The following WHRN variants were observed in gnomAD, a reference collection of about 807,000 sequenced individuals.
WHRN encodes whirlin.
Under a neutral mutation model 68.3 loss-of-function variants are expected in WHRN, and 41 were observed. The ratio of observed to expected loss-of-function variants is 0.60; its 90% CI spans 0.47 to 0.78. The LOEUF is 0.78. WHRN is among the 30% of genes least tolerant of loss of function. The pLI, the probability that WHRN is intolerant of heterozygous loss-of-function variation, is 0.00. For missense variants in WHRN, 1,243 were observed against 1,244.7 expected (o/e 1.00, Z 0.02); for synonymous variants, 560 against 561.3 (o/e 1.00, Z 0.03).
intron 2 of WHRN, among the ~76,000 whole-genome samples, chr9:114,470,910 C>T (rs994061700): frequency 2.0e-5 from 3 of 151,908 alleles, no homozygotes; most frequent in Non-Finnish European, 4.4e-5. Context: ...TGCAGTCAAG[C>T]CCAGGAACAC....
chr9:114,407,207 G>C (rs1305318931), intron 8 of WHRN, among the ~76,000 whole-genome samples: 1 of 152,180 alleles, frequency 6.6e-6, no homozygotes, highest in Non-Finnish European at 1.5e-5. Flanking sequence ...GAAGAGGATG[G>C]AAATACAAAA....
At chr9:114,448,455 A>G (rs1473850151) in intron 3 of WHRN, among the ~76,000 whole-genome samples, 1 of 152,160 alleles carries the variant, frequency 6.6e-6, no homozygotes, top group South Asian at 2.1e-4. Context: ...CATTTGGTAT[A>G]GCAGCCCTAG....
chr9:114,450,828 C>CG (rs1432122849), intron 3 of WHRN, among the ~76,000 whole-genome samples: 2 of 147,242 alleles, frequency 1.4e-5, no homozygotes, highest in Non-Finnish European at 2.9e-5. Flanking sequence ...TATTAGTTTC[C>CG]CCCCCCGCAA....
chr9:114,406,433 G>A lies in WHRN; in HGVS notation c.2158C>T (p.His720Tyr). The change falls in exon 9 of 12, where the codon CAC (histidine) becomes TAC (tyrosine). Residue 720 changes from histidine to tyrosine, a missense_variant. His to Tyr is a moderately conservative substitution (Grantham distance 83). Transcript: ENST00000362057. ...GHPDQTGTNQ[H>Y]FVMVEVHRPD... ...CGGTGGACCTCCACCATGACAAAGTGCTGGTTTGTGCCTGTCTGGTCTGGG... is the reference window on the plus strand; with the variant it reads ...CGGTGGACCTCCACCATGACAAAGTACTGGTTTGTGCCTGTCTGGTCTGGG... The A allele has an allele frequency of 1.9e-6, 3 of 1,614,204 alleles. No individual in the cohort carries two copies. The highest frequency in any genetic ancestry group is 2.5e-6 in the Non-Finnish European group (3 of 1,180,050).
At chr9:114,467,502 G>A (rs541037310) in intron 2 of WHRN, among the ~76,000 whole-genome samples, 5 of 151,938 alleles carry the variant, frequency 3.3e-5, no homozygotes, top group African/African-American at 9.7e-5. Flanking sequence ...GAGGGTGAGC[G>A]AGAGTCAGCC....
intron 1 of WHRN, among the ~76,000 whole-genome samples, chr9:114,481,875 C>G (rs1190309506): frequency 6.6e-6 from 1 of 152,130 alleles, no homozygotes; most frequent in East Asian, 1.9e-4. Flanking sequence ...TGGTGAGGAA[C>G]AAGGCATTGC....
At chr9:114,456,939 A>G (rs894195470) in intron 3 of WHRN, among the ~76,000 whole-genome samples, 5 of 152,214 alleles carry the variant, frequency 3.3e-5, no homozygotes, top group Admixed American at 2.6e-4. Context: ...GGAAAAAGCT[A>G]TAAGTAAGGA....
chr9:114,422,313 T>C (rs904006650), intron 7 of WHRN, among the ~76,000 whole-genome samples: 8 of 152,204 alleles, frequency 5.3e-5, no homozygotes, highest in Admixed American at 3.3e-4. Context: ...AACAAGGGCA[T>C]AGAGGAGAGC....
intron 2 of WHRN, among the ~76,000 whole-genome samples, chr9:114,472,602 A>G (rs1361107476): frequency 6.6e-6 from 1 of 151,806 alleles, no homozygotes; most frequent in African/African-American, 2.4e-5. Flanking sequence ...ATTTCTTTTC[A>G]TGCCCGTTAC....
Position 114,426,194 on chromosome 9 carries a change from G to A in WHRN, c.1166+17C>T, listed in dbSNP as rs749275986. The A allele has an allele frequency of 2.0e-5, 32 of 1,611,716 alleles. 1 individual carries two copies. In the South Asian group the frequency reaches 2.6e-4, roughly 13 times the overall value. The stretch of plus-strand genomic sequence containing the variant: ...GGCCCTGGGGTCTGGAGATTGGAGC[G>A]AGCAGAGTGGCCAGACCCTGCCGAG... On this transcript the variant is annotated intron_variant, in intron 4 of 11. Coordinates refer to ENST00000362057, the MANE Select transcript of WHRN (RefSeq NM_015404.4).
At chr9:114,445,792 A>G (rs974526459) in intron 3 of WHRN, among the ~76,000 whole-genome samples, 4 of 152,202 alleles carry the variant, frequency 2.6e-5, no homozygotes, top group Non-Finnish European at 5.9e-5. Context: ...CTGCTGGCAT[A>G]GATAGGCTTG....
chr9:114,484,936 T>G (rs550355946), intron 1 of WHRN, among the ~76,000 whole-genome samples: 21 of 152,170 alleles, frequency 1.4e-4, no homozygotes, highest in African/African-American at 5.1e-4. Context: ...AGGGTCACAG[T>G]GTAGGGGGCT....
chr9:114,431,266 A>G (rs1296697686), intron 3 of WHRN, among the ~76,000 whole-genome samples: 1 of 152,128 alleles, frequency 6.6e-6, no homozygotes, highest in Non-Finnish European at 1.5e-5. Context: ...TGATACTACC[A>G]CTAGTTCCCA....
intron 1 of WHRN, among the ~76,000 whole-genome samples, chr9:114,494,987 G>T (rs149947843): frequency 1.2e-4 from 18 of 152,322 alleles, no homozygotes; most frequent in African/African-American, 2.6e-4. Context: ...GACAGCGGCA[G>T]AGGTGAGCAG....
chr9:114,496,783 G>A (rs752280317), intron 1 of WHRN, among the ~76,000 whole-genome samples: 24 of 152,342 alleles, frequency 1.6e-4, no homozygotes, highest in Middle Eastern at 3.4e-3. Flanking sequence ...AAGTTACACT[G>A]TCAGATGAAC....
Position 114,432,035 on chromosome 9 carries a change from C to T in WHRN, c.964-5622G>A, listed in dbSNP as rs981587218. Reference sequence around the variant, plus strand: ...GCTTGCAGGGCACTGATGGGGAGGACAAGGAAAGATAAACGAATAAAGGCA... The same window carrying T: ...GCTTGCAGGGCACTGATGGGGAGGATAAGGAAAGATAAACGAATAAAGGCA... On this transcript the variant is annotated intron_variant, in intron 3 of 11. Transcript: ENST00000362057. Among the ~76,000 whole-genome samples the T allele has an allele frequency of 2.5e-4, 38 of 152,126 alleles. 1 individual carries two copies.
Position 114,406,815 on chromosome 9 carries a change from G to T in WHRN, c.1776C>A (p.Asn592Lys), listed in dbSNP as rs749765866. The T allele has an allele frequency of 6.2e-7, 1 of 1,610,932 alleles. No homozygotes were observed. Among genetic ancestry groups the T allele is most frequent in the East Asian group, 2.2e-5 (1 of 44,760 alleles). ...TCCTTGGCTGGCCTAGTGGGAGGTC[G>T]TTGCCTTGGGCCAGAGGTGGTGGGC... Reference protein sequence around the residue: ...LPRPPPLAQGNDLPLGQPRKL... With the variant: ...LPRPPPLAQGKDLPLGQPRKL... Residue 592 changes from asparagine to lysine, a missense_variant, in exon 9 of 12, where the codon AAC (asparagine) becomes AAA (lysine). Transcript: ENST00000362057.
intron 3 of WHRN, among the ~76,000 whole-genome samples, chr9:114,434,169 C>T (rs1837651869): frequency 6.6e-6 from 1 of 152,154 alleles, no homozygotes; most frequent in Admixed American, 6.5e-5. Context: ...AGGCCAGCTA[C>T]CTTGTACAGT....
intron 1 of WHRN, among the ~76,000 whole-genome samples, chr9:114,499,280 A>G (rs1450296623): frequency 6.6e-6 from 1 of 152,204 alleles, no homozygotes; most frequent in East Asian, 1.9e-4. Context: ...TAAAAGGCCA[A>G]TGTCAGCAGC....
Sources: allele counts gnomAD v4.1 joint callset (sites outside exome capture counted in the v4.1 genomes callset), GRCh38; gene constraint gnomAD v4.1.1; transcripts MANE v1.5; gene names NCBI Gene and HGNC (gene_info 2026-07-23, HGNC 2026-07-21).